Variants in SEPTIN7 observed in about 807,000 individuals in gnomAD.
SEPTIN7 encodes the protein septin 7.
SEPTIN7 carries 10 observed loss-of-function variants against 63.3 expected under a neutral mutation model. The observed-to-expected ratio is 0.16, with a 90% CI of 0.10 to 0.27. The LOEUF (loss-of-function observed/expected upper bound fraction) is 0.27. Ranked by LOEUF, SEPTIN7 falls within the 10% of genes least tolerant of loss-of-function variation. SEPTIN7 has a pLI of 1.00. For synonymous variants in SEPTIN7, 131 were observed against 165.3 expected, an observed-to-expected ratio of 0.79 and a Z score of 1.59; for missense variants, 310 against 521.0, an observed-to-expected ratio of 0.59 and a Z score of 3.94.
chr7:35,831,071 T>G (rs965830001), intron 1 of SEPTIN7, among the ~76,000 whole-genome samples: 4 of 152,204 alleles, frequency 2.6e-5, no homozygotes, highest in Admixed American at 6.5e-5. Context: ...TTCTTGTAAT[T>G]TAAAACTTGG....
chr7:35,810,922 A>C (rs1788665012), intron 1 of SEPTIN7, among the ~76,000 whole-genome samples: 2 of 151,798 alleles, frequency 1.3e-5, no homozygotes, highest in Admixed American at 1.3e-4. Flanking sequence ...ACATGCCACC[A>C]CGCCTGGCTA....
intron 4 of SEPTIN7, among the ~76,000 whole-genome samples, chr7:35,870,844 AT>A (rs1178839877): frequency 5.7e-5 from 8 of 141,226 alleles, no homozygotes; most frequent in South Asian, 4.4e-4. Flanking sequence ...AAAAAAAAAA[AT>A]GTTTTTCCTT....
At chr7:35,822,887 A>T (rs1400966619) in intron 1 of SEPTIN7, among the ~76,000 whole-genome samples, 4 of 152,198 alleles carry the variant, frequency 2.6e-5, no homozygotes, top group Non-Finnish European at 2.9e-5. Context: ...ATTAAAGATG[A>T]CATCTAACAC....
chr7:35,851,727 A>G (rs972782699), intron 3 of SEPTIN7, among the ~76,000 whole-genome samples: 4 of 152,192 alleles, frequency 2.6e-5, no homozygotes, highest in African/African-American at 9.6e-5. Flanking sequence ...CCAATGAACA[A>G]GGATCAATTG....
intron 3 of SEPTIN7, among the ~76,000 whole-genome samples, chr7:35,848,572 G>A (rs545406448): frequency 6.6e-6 from 1 of 152,314 alleles, no homozygotes; most frequent in South Asian, 2.1e-4. Context: ...GTAATGGGAA[G>A]AATTTAGAGG....
chr7:35,882,678 G>T, intron 8 of SEPTIN7, 102 bp downstream of exon 8: 1 of 1,071,286 alleles, frequency 9.3e-7, no homozygotes, highest in African/African-American at 1.6e-5. Flanking sequence ...TAAGTAGTTG[G>T]CTTACAAAAT....
At chr7:35,896,306 G>GT (rs1787957979) in intron 11 of SEPTIN7, among the ~76,000 whole-genome samples, 1 of 152,144 alleles carries the variant, frequency 6.6e-6, no homozygotes, top group Admixed American at 6.5e-5. Flanking sequence ...AATCATAATT[G>GT]TTGGAAGTTG....
At chr7:35,858,287 TTA>T (rs2116110220) in intron 3 of SEPTIN7, among the ~76,000 whole-genome samples, 1 of 152,210 alleles carries the variant, frequency 6.6e-6, no homozygotes, top group Non-Finnish European at 1.5e-5. Context: ...TCTCTCTCTT[TTA>T]TTCTCAATCT....
At chr7:35,845,710 G>T (rs1784626109) in intron 3 of SEPTIN7, among the ~76,000 whole-genome samples, 1 of 152,116 alleles carries the variant, frequency 6.6e-6, no homozygotes, top group South Asian at 2.1e-4. Context: ...TTGCTTTATG[G>T]TTGCTGAATA....
the SEPTIN7 span, among the ~76,000 whole-genome samples, chr7:35,915,078 C>T: frequency 6.8e-5 from 10 of 146,140 alleles, no homozygotes; most frequent in Admixed American, 5.5e-4. Context: ...CATGCATGTA[C>T]ATATATGTAT....
intron 3 of SEPTIN7, among the ~76,000 whole-genome samples, chr7:35,849,093 G>C (rs1469993409): frequency 6.6e-6 from 1 of 152,136 alleles, no homozygotes; most frequent in African/African-American, 2.4e-5. Context: ...AGGTTATATA[G>C]AGCTTGTTTA....
At position 35,904,186 on chromosome 7, in the gene SEPTIN7, G is replaced by A. The variant is rs1236588070; in HGVS notation, c.1275-68G>A. On this transcript the variant is annotated intron_variant, in intron 13 of 13. Coordinates refer to ENST00000350320, the MANE Select transcript of SEPTIN7 (RefSeq NM_001788.6). The stretch of plus-strand genomic sequence containing the variant: ...CATTGTTGTAATTGGGTTAGCTGTT[G>A]TTATCATGTTGTCTATCATGTTTAT... 4.2e-6 allele frequency: 5 copies of A among 1,194,050 alleles called. No homozygotes were observed. In the Admixed American group the frequency reaches 1.2e-4, roughly 28 times the overall value. 74.0% of individuals were successfully genotyped at this position (1,194,050 alleles called of 1,614,324 possible). A position where few individuals can be genotyped will look rare whatever the true frequency, so the allele number is the denominator to read the frequency against.
intron 7 of SEPTIN7, among the ~76,000 whole-genome samples, chr7:35,881,585 T>C (rs918790398): frequency 6.6e-6 from 1 of 151,828 alleles, no homozygotes; most frequent in African/African-American, 2.4e-5. Context: ...TTACTTCTGT[T>C]TACTTCTGTC....
At chr7:35,878,993 G>T (rs184892173) in intron 6 of SEPTIN7, among the ~76,000 whole-genome samples, 1 of 152,252 alleles carries the variant, frequency 6.6e-6, no homozygotes, top group East Asian at 1.9e-4. Flanking sequence ...AAGCCTGGTA[G>T]GGAATTCTAA....
At chr7:35,872,245 G>A (rs1267018435) in intron 4 of SEPTIN7, among the ~76,000 whole-genome samples, 3 of 152,142 alleles carry the variant, frequency 2.0e-5, no homozygotes, top group Non-Finnish European at 4.4e-5. Flanking sequence ...ACTGTAAATG[G>A]TAGATTAGAT....
chr7:35,810,589 C>CTGGGATTACAGGCG (rs1788637508), intron 1 of SEPTIN7, among the ~76,000 whole-genome samples: 1 of 152,130 alleles, frequency 6.6e-6, no homozygotes, highest in Non-Finnish European at 1.5e-5. Context: ...TCCCAAAGTG[C>CTGGGATTACAGGCG]TGGGATTACA....
chr7:35,870,528 G>A (rs1393748250), intron 4 of SEPTIN7, among the ~76,000 whole-genome samples: 1 of 152,022 alleles, frequency 6.6e-6, no homozygotes, highest in Non-Finnish European at 1.5e-5. Flanking sequence ...TGATTACTTT[G>A]GATATTTCTG....
intron 1 of SEPTIN7, among the ~76,000 whole-genome samples, chr7:35,816,610 A>C (rs987549645): frequency 5.3e-5 from 8 of 152,182 alleles, no homozygotes; most frequent in African/African-American, 1.9e-4. Flanking sequence ...GAATTACTGC[A>C]TCATAGTGTA....
chr7:35,802,311 C>G (rs1289387179), intron 1 of SEPTIN7: 1 of 324,526 alleles, frequency 3.1e-6, no homozygotes, highest in South Asian at 2.8e-5. Context: ...TAGGACATTT[C>G]CATTTGCTGA....
Sources: gnomAD v4.1 joint callset for allele counts (sites outside exome capture counted in the v4.1 genomes callset) on GRCh38, gnomAD v4.1.1 for gene constraint, MANE v1.5 for transcripts, NCBI Gene and HGNC (gene_info 2026-07-23, HGNC 2026-07-21) for gene names.